Variants in PPP6R2 observed in about 807,000 individuals in gnomAD.
PPP6R2 encodes the protein protein phosphatase 6 regulatory subunit 2.
Under a neutral mutation model 100.2 loss-of-function variants are expected in PPP6R2, and 62 were observed. The ratio of observed to expected loss-of-function variants is 0.62; its 90% CI spans 0.50 to 0.76. The LOEUF (loss-of-function observed/expected upper bound fraction) is 0.76, where lower values mean the gene tolerates loss of function less well. Ranked by LOEUF, PPP6R2 falls within the 30% of genes least tolerant of loss-of-function variation. The pLI, the probability that PPP6R2 is intolerant of heterozygous loss-of-function variation, is 0.00. For missense variants in PPP6R2, 1,142 were observed against 1,276.3 expected, an observed-to-expected ratio of 0.89 and a Z score of 1.60; for synonymous variants, 525 against 514.7, an observed-to-expected ratio of 1.02 and a Z score of -0.27.
chr22:50,414,160 G>T (rs2060156247), intron 4 of PPP6R2, among the ~76,000 whole-genome samples: 1 of 152,134 alleles, frequency 6.6e-6, no homozygotes, highest in African/African-American at 2.4e-5. Flanking sequence ...TAGGCCTGGG[G>T]CTGCCAGTGA....
rs2051899110 is a variant in PPP6R2 at position 50,377,643 on chromosome 22, A to G, written c.-17+5493A>G. 2.0e-5 allele frequency among the ~76,000 whole-genome samples: 3 copies of G among 152,194 alleles called. No individual in the cohort carries two copies. In the South Asian group the frequency reaches 6.2e-4, roughly 31 times the overall value. On this transcript the variant is annotated intron_variant, in intron 2 of 23. Transcript: ENST00000612753. ...TGTTTACTTAATGTTCTGTAAAGAG[A>G]AAAGAGAGAATGAGGCAGATTTATT...
chr22:50,333,203 GT>G, the PPP6R2 span, among the ~76,000 whole-genome samples: 93 of 151,758 alleles, frequency 6.1e-4, no homozygotes, highest in African/African-American at 2.1e-3. Flanking sequence ...AATTGTGAGG[GT>G]TTTTTTTAAT....
intron 1 of PPP6R2, among the ~76,000 whole-genome samples, chr22:50,362,788 A>G (rs1339342775): frequency 1.3e-5 from 2 of 152,166 alleles, no homozygotes; most frequent in East Asian, 1.9e-4. Flanking sequence ...TGAGAAGGCA[A>G]TGGTCTAAGG....
chr22:50,444,160 C>A (rs151177518), intron 23 of PPP6R2, 39 bp from the exon 24 acceptor site: 1 of 1,611,936 alleles, frequency 6.2e-7, no homozygotes, highest in Non-Finnish European at 8.5e-7. Flanking sequence ...GGACAGGGCC[C>A]GCAGCCCGCA....
chr22:50,383,761 G>A (rs1420255737), intron 2 of PPP6R2, among the ~76,000 whole-genome samples: 6 of 152,186 alleles, frequency 3.9e-5, no homozygotes, highest in African/African-American at 1.4e-4. Context: ...ATGAGGCCAG[G>A]CGCAGTGGCT....
chr22:50,349,062 G>A (rs1243073566), intron 1 of PPP6R2, among the ~76,000 whole-genome samples: 1 of 151,952 alleles, frequency 6.6e-6, no homozygotes, highest in Non-Finnish European at 1.5e-5. Context: ...AGGCATGGTG[G>A]TGGGCGCCTG....
chr22:50,414,718 G>C, intron 5 of PPP6R2, 29 bp downstream of exon 5: 12 of 1,601,066 alleles, frequency 7.5e-6, no homozygotes, highest in Non-Finnish European at 1.0e-5. Context: ...CCCCGTTCCC[G>C]AGGGCAGGGG....
chr22:50,381,114 C>CAA (rs768271991), intron 2 of PPP6R2, among the ~76,000 whole-genome samples: 5,426 of 112,856 alleles, frequency 0.048, 236 homozygotes, highest in African/African-American at 0.11. Flanking sequence ...AACTTTGTCT[C>CAA]AAAAAAAAAA....
chr22:50,349,700 G>A (rs566397576), intron 1 of PPP6R2, among the ~76,000 whole-genome samples: 5 of 151,406 alleles, frequency 3.3e-5, no homozygotes, highest in African/African-American at 1.2e-4. Flanking sequence ...GGTGGCATGC[G>A]CCTGTAATCC....
intron 1 of PPP6R2, among the ~76,000 whole-genome samples, chr22:50,352,112 G>C (rs1054823825): frequency 1.3e-5 from 2 of 150,794 alleles, no homozygotes; most frequent in African/African-American, 4.9e-5. Flanking sequence ...GCTAATTTTT[G>C]TATTTTTTAG....
chr22:50,371,454 C>G (rs1475901968), intron 1 of PPP6R2, among the ~76,000 whole-genome samples: 1 of 151,858 alleles, frequency 6.6e-6, no homozygotes, highest in Non-Finnish European at 1.5e-5. Context: ...CTGTGAATAG[C>G]TACTGCTCTC....
intron 1 of PPP6R2, among the ~76,000 whole-genome samples, chr22:50,367,998 A>G (rs1157534572): frequency 6.6e-6 from 1 of 152,224 alleles, no homozygotes; most frequent in African/African-American, 2.4e-5. Context: ...TCCACTGGAC[A>G]GGGGGCCGGC....
At chr22:50,342,777 C>T (rs1025323074), upstream of PPP6R2, among the ~76,000 whole-genome samples, 7 of 152,308 alleles carry the variant, frequency 4.6e-5, no homozygotes, top group African/African-American at 1.4e-4. Context: ...TGCAAGAACC[C>T]GTAGCGCACC....
At chr22:50,379,597 T>C (rs1378429687) in intron 2 of PPP6R2, among the ~76,000 whole-genome samples, 1 of 152,048 alleles carries the variant, frequency 6.6e-6, no homozygotes, top group African/African-American at 2.4e-5. Flanking sequence ...TGTGAGCAAA[T>C]TCAAATTAGC....
chr22:50,416,061 C>A, intron 5 of PPP6R2, 31 bp from the exon 6 acceptor site: 1 of 1,586,618 alleles, frequency 6.3e-7, no homozygotes, highest in Non-Finnish European at 8.7e-7. Context: ...ACTTGAGCAG[C>A]GACACTGAAA....
chr22:50,430,246 G>T (rs2062885521), intron 10 of PPP6R2, among the ~76,000 whole-genome samples: 1 of 152,254 alleles, frequency 6.6e-6, no homozygotes, highest in African/African-American at 2.4e-5. Flanking sequence ...AACCACCTCT[G>T]GGCTTCAGCC....
intron 1 of PPP6R2, among the ~76,000 whole-genome samples, chr22:50,365,361 G>A (rs951142790): frequency 3.6e-4 from 55 of 151,868 alleles, no homozygotes; most frequent in Non-Finnish European, 6.3e-4. Context: ...ATGAGCCGCC[G>A]TGCCTGGCAT....
intron 7 of PPP6R2, 120 bp from the exon 8 acceptor site, chr22:50,419,229 C>A: frequency 2.2e-6 from 2 of 925,286 alleles, no homozygotes; most frequent in Non-Finnish European, 3.3e-6. Flanking sequence ...GGCGCCTTGC[C>A]TTGAGCCTGA....
intron 1 of PPP6R2, among the ~76,000 whole-genome samples, chr22:50,361,179 C>T (rs897411262): frequency 6.6e-6 from 1 of 152,172 alleles, no homozygotes; most frequent in African/African-American, 2.4e-5. Flanking sequence ...TGTCATCACC[C>T]TCAATCTTGG....
Sources: gnomAD v4.1 joint callset for allele counts (sites outside exome capture counted in the v4.1 genomes callset) on GRCh38, gnomAD v4.1.1 for gene constraint, MANE v1.5 for transcripts, NCBI Gene and HGNC (gene_info 2026-07-23, HGNC 2026-07-21) for gene names.